Variants in NMNAT2 observed in about 807,000 individuals in gnomAD.
NMNAT2 encodes the protein nicotinamide nucleotide adenylyltransferase 2, also known as nicotinamide/nicotinic acid mononucleotide adenylyltransferase 2.
A neutral mutation model predicts 41.6 loss-of-function variants in NMNAT2; 11 were observed. The ratio of observed to expected loss-of-function variants is 0.26; its 90% CI spans 0.17 to 0.44. The LOEUF (loss-of-function observed/expected upper bound fraction) is 0.44, where lower values mean the gene tolerates loss of function less well. Ranked by LOEUF, NMNAT2 falls within the 20% of genes least tolerant of loss-of-function variation. NMNAT2 has a pLI of 1.00. For missense variants in NMNAT2, 288 were observed against 407.7 expected (o/e 0.71, Z 2.53); for synonymous variants, 148 against 151.2 (o/e 0.98, Z 0.16).
At chr1:183,293,648 A>C (rs1661603448) in intron 2 of NMNAT2, 57 bp downstream of exon 2, 4 of 1,290,896 alleles carry the variant, frequency 3.1e-6, no homozygotes, top group African/African-American at 1.5e-5. Flanking sequence ...AGGAACTATC[A>C]GGCCAGGGAT....
intron 1 of NMNAT2, among the ~76,000 whole-genome samples, chr1:183,395,092 G>A (rs1021940449): frequency 6.6e-6 from 1 of 152,048 alleles, no homozygotes; most frequent in Non-Finnish European, 1.5e-5. Context: ...GACAGACACT[G>A]GCAACAACTG....
At chr1:183,394,100 GT>G (rs1648563962) in intron 1 of NMNAT2, among the ~76,000 whole-genome samples, 1 of 152,218 alleles carries the variant, frequency 6.6e-6, no homozygotes, top group Admixed American at 6.5e-5. Context: ...AGTGAGCTAT[GT>G]TTGAGATGCC....
rs199939062 is a variant in NMNAT2, at chr1:183,251,207, C to G, written c.*1434G>C. The G allele has an allele frequency of 2.6e-5, 4 of 152,222 alleles. No homozygotes were observed. The highest frequency in any genetic ancestry group is 3.2e-3 in the Middle Eastern group (1 of 316). 9.4% of individuals were successfully genotyped at this position (152,222 alleles called of 1,614,324 possible). On this transcript the variant is annotated 3_prime_UTR_variant, in exon 11 of 11. Transcript: ENST00000287713. ...ATCTCCCTTCTGGGAACCCACTCCC[C>G]TATTAGGGAGATTTTCTCAGACAGT...
At chr1:183,295,660 C>T (rs186736375) in intron 1 of NMNAT2, among the ~76,000 whole-genome samples, 3 of 152,290 alleles carry the variant, frequency 2.0e-5, no homozygotes, top group Non-Finnish European at 2.9e-5. Flanking sequence ...CAGTGTTCCA[C>T]CCATTCATGC....
chr1:183,418,223 G>A lies in NMNAT2; in HGVS notation c.45C>T (p.Gly15=). Residue 15 remains glycine (G), a synonymous_variant, in exon 1 of 11, where the codon GGC becomes GGT. Coordinates refer to ENST00000287713, the MANE Select transcript of NMNAT2 (RefSeq NM_015039.4). Reference sequence around the variant, plus strand: ...GCCCTTTGGTGATGGGATTGAAGCTGCCGCAGGCGAGCAAGATAACGTGGG... The same window carrying A: ...GCCCTTTGGTGATGGGATTGAAGCTACCGCAGGCGAGCAAGATAACGTGGG... ...TKTHVILLAC[G]SFNPITKGHI... is the part of the protein sequence containing the mutation. 1 of 1,614,134 alleles carries A rather than the reference G, an allele frequency of 6.2e-7. No homozygotes were observed. Among genetic ancestry groups the A allele is most frequent in the Non-Finnish European group, 8.5e-7 (1 of 1,180,026 alleles).
At chr1:183,403,909 A>G (rs1648885214) in intron 1 of NMNAT2, among the ~76,000 whole-genome samples, 1 of 152,180 alleles carries the variant, frequency 6.6e-6, no homozygotes, top group Non-Finnish European at 1.5e-5. Flanking sequence ...TTCAAATGCT[A>G]TTACAGGGGA....
intron 1 of NMNAT2, among the ~76,000 whole-genome samples, chr1:183,407,281 G>C (rs897212482): frequency 3.3e-5 from 5 of 152,216 alleles, no homozygotes; most frequent in Non-Finnish European, 5.9e-5. Context: ...TCCCACTGTG[G>C]ATATCTGGGA....
chr1:183,314,540 G>C (rs1276631025), intron 1 of NMNAT2, among the ~76,000 whole-genome samples: 3 of 152,216 alleles, frequency 2.0e-5, no homozygotes, highest in Non-Finnish European at 2.9e-5. Flanking sequence ...GTTACTGTTT[G>C]TTGGGTTAAA....
At chr1:183,357,453 T>C (rs1663220340) in intron 1 of NMNAT2, among the ~76,000 whole-genome samples, 1 of 151,866 alleles carries the variant, frequency 6.6e-6, no homozygotes, top group South Asian at 2.1e-4. Flanking sequence ...ATGGTCTCTA[T>C]CTCCTGACCT....
intron 1 of NMNAT2, among the ~76,000 whole-genome samples, chr1:183,364,655 A>ATTTATTTCTTTCTTTCTTTCTTTCTTTC (rs897968005): frequency 6.3e-5 from 9 of 142,976 alleles, no homozygotes; most frequent in African/African-American, 1.5e-4. Context: ...GGGGAGGATG[A>ATTTATTTCTTTCTTTCTTTCTTTCTTTC]TTTCTTTCTT....
intron 1 of NMNAT2, among the ~76,000 whole-genome samples, chr1:183,313,591 T>A (rs544731827): frequency 6.6e-6 from 1 of 152,184 alleles, no homozygotes; most frequent in African/African-American, 2.4e-5. Context: ...GTGATTCTCA[T>A]GCCTCTGCCT....
intron 1 of NMNAT2, among the ~76,000 whole-genome samples, chr1:183,401,092 C>T (rs1283201001): frequency 6.6e-6 from 1 of 152,162 alleles, no homozygotes; most frequent in Non-Finnish European, 1.5e-5. Context: ...AGAGCTTCTG[C>T]ACAGCAAAAG....
intron 1 of NMNAT2, among the ~76,000 whole-genome samples, chr1:183,356,399 A>G (rs193250454): frequency 2.0e-5 from 3 of 152,318 alleles, no homozygotes; most frequent in Admixed American, 1.3e-4. Context: ...ATTGGATCCC[A>G]AAAGCTTTCC....
chr1:183,373,685 T>C (rs1663605155), intron 1 of NMNAT2, among the ~76,000 whole-genome samples: 1 of 151,558 alleles, frequency 6.6e-6, no homozygotes, highest in African/African-American at 2.4e-5. Flanking sequence ...TGGTGCCATC[T>C]CGGCTCACTG....
At chr1:183,278,475 C>T (rs1449172025) in intron 8 of NMNAT2, 78 bp downstream of exon 8, 4 of 962,604 alleles carry the variant, frequency 4.2e-6, no homozygotes, top group African/African-American at 1.6e-5. Context: ...GAAGTGAAGA[C>T]AGGAGGCCAA....
intron 7 of NMNAT2, 100 bp downstream of exon 7, chr1:183,283,895 G>A (rs1661331271): frequency 8.7e-7 from 1 of 1,144,408 alleles, no homozygotes; most frequent in Admixed American, 1.7e-5. Flanking sequence ...CTGCAAAACA[G>A]TCCCTGGGTT....
At chr1:183,259,342 T>A (rs998829246) in intron 10 of NMNAT2, among the ~76,000 whole-genome samples, 1 of 152,110 alleles carries the variant, frequency 6.6e-6, no homozygotes, top group Non-Finnish European at 1.5e-5. Flanking sequence ...CTTGTGAGTG[T>A]CTCTGTAATT....
chr1:183,373,440 A>T (rs1039745501), intron 1 of NMNAT2, among the ~76,000 whole-genome samples: 2 of 152,114 alleles, frequency 1.3e-5, no homozygotes, highest in Admixed American at 1.3e-4. Context: ...TCTGACTGTC[A>T]TGGGGCAGCA....
chr1:183,416,641 A>T (rs1489883413), intron 1 of NMNAT2, among the ~76,000 whole-genome samples: 1 of 152,226 alleles, frequency 6.6e-6, no homozygotes, highest in African/African-American at 2.4e-5. Context: ...GGAATGGTGA[A>T]GAAGGGATGG....
Sources: gnomAD v4.1 joint callset for allele counts (sites outside exome capture counted in the v4.1 genomes callset) on GRCh38, gnomAD v4.1.1 for gene constraint, MANE v1.5 for transcripts, NCBI Gene and HGNC (gene_info 2026-07-23, HGNC 2026-07-21) for gene names.